ARMC8: variants seen among roughly 807,000 people sequenced by gnomAD.
The protein encoded by ARMC8 is armadillo repeat-containing protein 8.
Under a neutral mutation model 99.3 loss-of-function variants are expected in ARMC8, and 20 were observed. The observed-to-expected ratio is 0.20, with a 90% CI of 0.14 to 0.29. ARMC8 has a LOEUF of 0.29. Among genes scored for constraint, ARMC8 ranks in the 10% least tolerant of loss-of-function variants. ARMC8 has a pLI of 1.00. For synonymous variants in ARMC8, 263 were observed against 278.3 expected, an observed-to-expected ratio of 0.95 and a Z score of 0.55; for missense variants, 569 against 809.5, an observed-to-expected ratio of 0.70 and a Z score of 3.60.
chr3:138,222,149 C>T (rs1334114930), intron 3 of ARMC8, 152 bp downstream of exon 3: 2 of 612,806 alleles, frequency 3.3e-6, no homozygotes, highest in African/African-American at 1.9e-5. Flanking sequence ...TTTAAACTAT[C>T]TTTAAGGAAA....
At chr3:138,273,389 C>G (rs2048965783) in intron 17 of ARMC8, among the ~76,000 whole-genome samples, 1 of 152,190 alleles carries the variant, frequency 6.6e-6, no homozygotes, top group Non-Finnish European at 1.5e-5. Context: ...CCAGTGCCTA[C>G]CTTGATTTGT....
chr3:138,244,347 G>A (rs1347879390), intron 11 of ARMC8, among the ~76,000 whole-genome samples: 5 of 151,880 alleles, frequency 3.3e-5, no homozygotes, highest in Admixed American at 6.6e-5. Context: ...GCGCGATCTC[G>A]GCTCACTACA....
At chr3:138,277,804 A>G (rs1357965071) in intron 18 of ARMC8, among the ~76,000 whole-genome samples, 3 of 152,210 alleles carry the variant, frequency 2.0e-5, no homozygotes, top group South Asian at 2.1e-4. Flanking sequence ...ACATAAAATG[A>G]AAACCTAAGT....
intron 21 of ARMC8, among the ~76,000 whole-genome samples, chr3:138,295,511 AAAAGT>A (rs1358231682): frequency 1.3e-5 from 2 of 152,234 alleles, no homozygotes; most frequent in Non-Finnish European, 2.9e-5. Context: ...GGCAGTAAGA[AAAAGT>A]AAAGAATGTA....
intron 2 of ARMC8, among the ~76,000 whole-genome samples, chr3:138,220,820 G>C (rs900844630): frequency 1.3e-5 from 2 of 151,646 alleles, no homozygotes; most frequent in Admixed American, 6.6e-5. Flanking sequence ...CCCCCAGGTA[G>C]CTGGGACCAC....
Position 138,237,356 on chromosome 3 carries a change from C to A in ARMC8, c.657C>A (p.Asn219Lys), listed in dbSNP as rs754108321. ...LKCFSVLAFE[N>K]PQVSMTLVNV... The stretch of plus-strand genomic sequence containing the variant: ...GTTTCTCAGTTTTAGCTTTTGAAAA[C>A]CCCCAGGTATCGATGACCCTGGTAA... The change falls in exon 8 of 22, where the codon AAC (asparagine) becomes AAA (lysine). Residue 219 changes from asparagine to lysine, a missense_variant. This residue lies in a region of ARMC8 where 342 missense variants were observed against 391.6 expected (regional missense o/e 0.87). Coordinates refer to ENST00000469044, the MANE Select transcript of ARMC8 (RefSeq NM_001363941.2). 2 of 1,613,636 alleles carry A rather than the reference C, an allele frequency of 1.2e-6. No homozygotes were observed. Among genetic ancestry groups the A allele is most frequent in the South Asian group, 1.1e-5 (1 of 90,948 alleles).
chr3:138,256,458 C>G (rs62280659), intron 12 of ARMC8, among the ~76,000 whole-genome samples: 2 of 145,256 alleles, frequency 1.4e-5, no homozygotes, highest in South Asian at 4.4e-4. Context: ...TCGCCCAGGC[C>G]GGAGTGCAGT....
chr3:138,241,413 T>G (rs1316163520), intron 10 of ARMC8, among the ~76,000 whole-genome samples: 1 of 152,224 alleles, frequency 6.6e-6, no homozygotes, highest in Non-Finnish European at 1.5e-5. Flanking sequence ...AACTGCTGGG[T>G]CTTTTTTAGG....
intron 19 of ARMC8, among the ~76,000 whole-genome samples, chr3:138,286,103 C>T (rs771577958): frequency 7.2e-5 from 11 of 151,998 alleles, no homozygotes; most frequent in Non-Finnish European, 1.2e-4. Flanking sequence ...CACTATTGCC[C>T]GGCTAATTTT....
intron 12 of ARMC8, among the ~76,000 whole-genome samples, chr3:138,249,489 T>C (rs2047029794): frequency 6.6e-6 from 1 of 152,046 alleles, no homozygotes; most frequent in Admixed American, 6.5e-5. Flanking sequence ...ATAGAGTTTT[T>C]ATCTTTCTAG....
chr3:138,249,774 A>G (rs533765255), intron 12 of ARMC8, among the ~76,000 whole-genome samples: 297 of 152,310 alleles, frequency 1.9e-3, no homozygotes, highest in African/African-American at 6.9e-3. Flanking sequence ...ATAAAGATCA[A>G]CAAGGCATAG....
chr3:138,232,413 A>G (rs1559963026), intron 6 of ARMC8, among the ~76,000 whole-genome samples: 1 of 152,210 alleles, frequency 6.6e-6, no homozygotes, highest in Non-Finnish European at 1.5e-5. Flanking sequence ...GCACCAGGGA[A>G]CAATTATATA....
rs2045496312 is a variant in ARMC8 at position 138,223,170 on chromosome 3, A to G, written c.195-219A>G. Reference sequence around the variant, plus strand: ...CAACTTTCAGATTTACACTTTTTATAAACTCTAAGAATATGATAGTTCTTT... The same window carrying G: ...CAACTTTCAGATTTACACTTTTTATGAACTCTAAGAATATGATAGTTCTTT... On this transcript the variant is annotated intron_variant, in intron 3 of 21. Coordinates refer to ENST00000469044, the MANE Select transcript of ARMC8 (RefSeq NM_001363941.2). 2.0e-5 allele frequency among the ~76,000 whole-genome samples: 3 copies of G among 152,210 alleles called. No homozygotes were observed. In the South Asian group the frequency reaches 6.2e-4, roughly 31 times the overall value.
intron 1 of ARMC8, among the ~76,000 whole-genome samples, chr3:138,207,632 A>G (rs1443683993): frequency 6.6e-6 from 1 of 152,154 alleles, no homozygotes; most frequent in Non-Finnish European, 1.5e-5. Context: ...GAGTGGCAAA[A>G]CTTACCTGTT....
At chr3:138,290,121 G>A (rs1289147268) in intron 20 of ARMC8, among the ~76,000 whole-genome samples, 1 of 152,224 alleles carries the variant, frequency 6.6e-6, no homozygotes, top group African/African-American at 2.4e-5. Context: ...GGAGGACAGA[G>A]GAGGGTAGAA....
intron 6 of ARMC8, among the ~76,000 whole-genome samples, chr3:138,233,163 T>C (rs138382820): frequency 1.6e-4 from 24 of 152,328 alleles, no homozygotes; most frequent in African/African-American, 5.8e-4. Flanking sequence ...TTTAGAGCAG[T>C]GCCTGGCACT....
chr3:138,195,777 G>A (rs1395445740), intron 1 of ARMC8, among the ~76,000 whole-genome samples: 3 of 151,338 alleles, frequency 2.0e-5, no homozygotes, highest in Non-Finnish European at 2.9e-5. Context: ...CCCTGGGACT[G>A]TTGAGATAGA....
chr3:138,226,896 T>C (rs1433410381), intron 5 of ARMC8, among the ~76,000 whole-genome samples: 1 of 152,206 alleles, frequency 6.6e-6, no homozygotes, highest in Non-Finnish European at 1.5e-5. Context: ...AAGATTTCAA[T>C]TTTGTGCCTC....
intron 12 of ARMC8, among the ~76,000 whole-genome samples, chr3:138,247,629 CA>C (rs2046942938): frequency 6.6e-6 from 1 of 152,114 alleles, no homozygotes; most frequent in Admixed American, 6.5e-5. Flanking sequence ...AGAAAATAAG[CA>C]AAGTAGAGAC....
Sources: gnomAD v4.1 joint callset for allele counts (sites outside exome capture counted in the v4.1 genomes callset) on GRCh38, gnomAD v4.1.1 for gene constraint, gnomAD v4.1.1 regional missense constraint, MANE v1.5 for transcripts, NCBI Gene and HGNC (gene_info 2026-07-23, HGNC 2026-07-21) for gene names.